The following MOB3A variants were observed in gnomAD, a reference collection of about 807,000 sequenced individuals.
The protein encoded by MOB3A is MOB kinase activator 3A.
A neutral mutation model predicts 17.8 loss-of-function variants in MOB3A; 17 were observed. That is an observed-to-expected ratio of 0.95 (90% confidence interval 0.65 to 1.43). MOB3A has a LOEUF of 1.43. Ranked by LOEUF, MOB3A falls within the 40% of genes most tolerant of loss-of-function variation. The pLI, the probability that MOB3A is intolerant of heterozygous loss-of-function variation, is 0.00. For synonymous variants in MOB3A, 124 were observed against 133.2 expected (o/e 0.93, Z 0.48); for missense variants, 333 against 310.8 (o/e 1.07, Z -0.54).
At chr19:2,073,709 C>T (rs959900428) in intron 4 of MOB3A, among the ~76,000 whole-genome samples, 1 of 152,116 alleles carries the variant, frequency 6.6e-6, no homozygotes, top group African/African-American at 2.4e-5. Flanking sequence ...ACGATGGTAA[C>T]CTCACAAGTG....
At chr19:2,074,855 T>C (rs1256908191) in intron 4 of MOB3A, among the ~76,000 whole-genome samples, 5 of 151,982 alleles carry the variant, frequency 3.3e-5, no homozygotes, top group African/African-American at 9.7e-5. Flanking sequence ...GTAGCTGGAA[T>C]TACAGGCGCG....
In MOB3A at chr19:2,076,860, T is replaced by C. The variant is rs1380744607; in HGVS notation, c.575A>G (p.Tyr192Cys). 3.7e-6 allele frequency: 6 copies of C among 1,613,950 alleles called. No individual in the cohort carries two copies. Among genetic ancestry groups the C allele is most frequent in the South Asian group, 2.2e-5 (2 of 91,088 alleles). Residue 192 changes from tyrosine to cysteine, a missense_variant, in exon 4 of 5, where the codon TAT becomes TGT. Coordinates refer to ENST00000357066, the MANE Select transcript of MOB3A (RefSeq NM_130807.3). ...GATGAGGCCGAACTCCTTGACGAAATAGTAGAAGTGCTTGTAGCAGGTGTT... is the reference window on the plus strand; with the variant it reads ...GATGAGGCCGAACTCCTTGACGAAACAGTAGAAGTGCTTGTAGCAGGTGTT... ...HVNTCYKHFY[Y>C]FVKEFGLIDT...
Position 2,078,635 on chromosome 19 carries a change from A to T in MOB3A, c.-75T>A, listed in dbSNP as rs1472846047. 7 of 1,436,452 alleles carry T rather than the reference A, an allele frequency of 4.9e-6. No homozygotes were observed. The highest frequency in any genetic ancestry group is 6.5e-6 in the Non-Finnish European group (7 of 1,069,898). 89.0% of individuals were successfully genotyped at this position (1,436,452 alleles called of 1,614,324 possible). On this transcript the variant is annotated 5_prime_UTR_variant, in exon 3 of 5. Coordinates refer to ENST00000357066, the MANE Select transcript of MOB3A (RefSeq NM_130807.3). ...CTGGCTGGGGGTGCTGACCAACCCGAGAGGCCACGAAACACTCACCAAGCC... is the reference window on the plus strand; with the variant it reads ...CTGGCTGGGGGTGCTGACCAACCCGTGAGGCCACGAAACACTCACCAAGCC...
intron 4 of MOB3A, among the ~76,000 whole-genome samples, chr19:2,074,684 C>T (rs1209480933): frequency 2.0e-5 from 3 of 151,926 alleles, no homozygotes; most frequent in African/African-American, 7.3e-5. Context: ...TCCTGAGTAG[C>T]TGGGATCACA....
chr19:2,091,330 A>C (rs892550900), intron 1 of MOB3A, among the ~76,000 whole-genome samples: 14 of 152,194 alleles, frequency 9.2e-5, no homozygotes, highest in African/African-American at 3.4e-4. Context: ...ACGGAAGGAC[A>C]CCCAATATCC....
chr19:2,089,730 A>C (rs1007957154), intron 1 of MOB3A, among the ~76,000 whole-genome samples: 1 of 151,980 alleles, frequency 6.6e-6, no homozygotes, highest in Non-Finnish European at 1.5e-5. Context: ...CCATATTGGG[A>C]GTTTATTCTG....
At chr19:2,079,251 G>T (rs899502884) in intron 2 of MOB3A, among the ~76,000 whole-genome samples, 1 of 152,266 alleles carries the variant, frequency 6.6e-6, no homozygotes, top group African/African-American at 2.4e-5. Context: ...ACCTAGACTT[G>T]CTGCTACCCA....
chr19:2,080,381 CCT>C (rs1470730351), intron 2 of MOB3A, among the ~76,000 whole-genome samples: 1 of 151,846 alleles, frequency 6.6e-6, no homozygotes, highest in Non-Finnish European at 1.5e-5. Flanking sequence ...CCAACCCCCA[CCT>C]CTTTTTTTTT....
In MOB3A at chr19:2,078,377, C is replaced by A. The variant is rs1191401179; in HGVS notation, c.184G>T (p.Ala62Ser). The change falls in exon 3 of 5, where the codon GCT becomes TCT. Residue 62 changes from alanine to serine, a missense_variant. Ala to Ser is a moderately conservative substitution (Grantham distance 99). Coordinates refer to ENST00000357066, the MANE Select transcript of MOB3A (RefSeq NM_130807.3). ...PPGEDLNDWV[A>S]VHVVDFFNRV... ...TTAAAGAAGTCCACCACGTGAACAG[C>A]CACCCAGTCGTTCAGGTCCTCGCCC... 18 of 1,614,198 alleles carry A rather than the reference C, an allele frequency of 1.1e-5. No individual in the cohort carries two copies. Among genetic ancestry groups the A allele is most frequent in the Non-Finnish European group, 1.4e-5 (17 of 1,180,034 alleles).
Position 2,093,260 on chromosome 19 carries a change from T to C in MOB3A, c.-274+2966A>G, listed in dbSNP as rs1165124331. On this transcript the variant is annotated intron_variant, in intron 1 of 4. Transcript: ENST00000357066. The surrounding 1 kb of genome is among the most constrained non-coding windows in gnomAD (Gnocchi z 4.6). ...GCAAGCTCCGCCTCCCGGGTTCAAG[T>C]GATTCTCCTGCCTCAGCCTCCTGAG... Among the ~76,000 whole-genome samples, 2 of 151,908 alleles carry C rather than the reference T, an allele frequency of 1.3e-5. No homozygotes were observed. Among genetic ancestry groups the C allele is most frequent in the East Asian group, 3.9e-4 (2 of 5,138 alleles).
intron 2 of MOB3A, chr19:2,084,064 G>T (rs2017522617): frequency 2.2e-6 from 1 of 449,108 alleles, no homozygotes; most frequent in African/African-American, 2.0e-5. Context: ...GAGCCACCGT[G>T]CCTGGCTGAG....
In MOB3A at chr19:2,082,954, G is replaced by A. The variant is rs368306592; in HGVS notation, c.-120+2221C>T. ...CAGCCTCCTGAGTAGCTGGGACCAC[G>A]GGCACTCACTGCCATAATTTTTTAT... On this transcript the variant is annotated intron_variant, in intron 2 of 4. Transcript: ENST00000357066. The surrounding 1 kb of genome is among the most constrained non-coding windows in gnomAD (Gnocchi z 4.1). Among the ~76,000 whole-genome samples, 5 of 152,118 alleles carry A rather than the reference G, an allele frequency of 3.3e-5. No homozygotes were observed. Among genetic ancestry groups the A allele is most frequent in the African/African-American group, 7.2e-5 (3 of 41,400 alleles).
chr19:2,080,193 G>A (rs943734702), intron 2 of MOB3A, among the ~76,000 whole-genome samples: 2 of 152,128 alleles, frequency 1.3e-5, no homozygotes, highest in Non-Finnish European at 2.9e-5. Flanking sequence ...GACACTTGGG[G>A]CAAGGCCCAC....
chr19:2,089,822 G>A (rs1444004132), intron 1 of MOB3A, among the ~76,000 whole-genome samples: 1 of 151,364 alleles, frequency 6.6e-6, no homozygotes, highest in East Asian at 2.0e-4. Context: ...TTCAGGGCTG[G>A]ATCCTTCTCT....
chr19:2,088,164 T>C (rs1318108504), intron 1 of MOB3A, among the ~76,000 whole-genome samples: 1 of 152,164 alleles, frequency 6.6e-6, no homozygotes, highest in Non-Finnish European at 1.5e-5. Context: ...GAGTGGGTGG[T>C]GGCCAGGGAT....
chr19:2,080,037 G>A (rs777700299), intron 2 of MOB3A, among the ~76,000 whole-genome samples: 1 of 152,162 alleles, frequency 6.6e-6, no homozygotes, highest in Non-Finnish European at 1.5e-5. Context: ...GCGTGTGCCG[G>A]GCTCACGCTC....
At chr19:2,080,902 A>AGC (rs1389576844) in intron 2 of MOB3A, among the ~76,000 whole-genome samples, 14 of 152,082 alleles carry the variant, frequency 9.2e-5, no homozygotes, top group African/African-American at 3.4e-4. Flanking sequence ...GTACTTTGAG[A>AGC]GGGTGAGGTA....
intron 2 of MOB3A, chr19:2,084,134 A>G: frequency 2.0e-6 from 1 of 503,034 alleles, no homozygotes; most frequent in South Asian, 1.4e-5. Flanking sequence ...AGACAGTTCC[A>G]GAAAACAAGA....
chr19:2,076,888 C>T lies in MOB3A; in HGVS notation c.547G>A (p.Val183Met), dbSNP rs746262774. ...TAGAAGTGCTTGTAGCAGGTGTTCA[C>T]GTGGGCCTCGGAGCCCATCTGCGCG... Reference protein sequence around the residue: ...RIAQMGSEAHVNTCYKHFYYF... With the variant: ...RIAQMGSEAHMNTCYKHFYYF... The change falls in exon 4 of 5, where the codon GTG (valine) becomes ATG (methionine). Residue 183 changes from valine to methionine, a missense_variant. Coordinates refer to ENST00000357066, the MANE Select transcript of MOB3A (RefSeq NM_130807.3). 5 of 1,613,976 alleles carry T rather than the reference C, an allele frequency of 3.1e-6. No individual in the cohort carries two copies. The South Asian group carries it at 3.3e-5, about 11-fold the overall frequency.
Sources: allele counts gnomAD v4.1 joint callset (sites outside exome capture counted in the v4.1 genomes callset), GRCh38; gene constraint gnomAD v4.1.1; non-coding constraint Gnocchi (gnomAD v3.1); transcripts MANE v1.5; gene names NCBI Gene and HGNC (gene_info 2026-07-23, HGNC 2026-07-21).